The following ANKUB1 variants were observed in gnomAD, a reference collection of about 807,000 sequenced individuals.
The protein encoded by ANKUB1 is protein ANKUB1.
A neutral mutation model predicts 49.3 loss-of-function variants in ANKUB1; 42 were observed. The ratio of observed to expected loss-of-function variants is 0.85; its 90% CI spans 0.67 to 1.10. The LOEUF is 1.10. ANKUB1 is among the 50% of genes least tolerant of loss of function. The pLI, the probability that ANKUB1 is intolerant of heterozygous loss-of-function variation, is 0.00. For missense variants in ANKUB1, 613 were observed against 642.0 expected (o/e 0.95, Z 0.49); for synonymous variants, 222 against 231.0 (o/e 0.96, Z 0.35).
intron 3 of ANKUB1, among the ~76,000 whole-genome samples, chr3:149,774,517 C>T (rs943983635): frequency 6.6e-6 from 1 of 152,190 alleles, no homozygotes; most frequent in Non-Finnish European, 1.5e-5. Context: ...ATTGCCTATC[C>T]TCAGAGTCTC....
intron 3 of ANKUB1, among the ~76,000 whole-genome samples, chr3:149,771,712 A>G (rs1466868144): frequency 6.6e-6 from 1 of 152,034 alleles, no homozygotes; most frequent in Non-Finnish European, 1.5e-5. Flanking sequence ...ATAGCCTGAC[A>G]CTTGGTAGGT....
chr3:149,782,481 A>C (rs1373613602), intron 2 of ANKUB1, among the ~76,000 whole-genome samples: 1 of 152,188 alleles, frequency 6.6e-6, no homozygotes, highest in South Asian at 2.1e-4. Context: ...ATCTATAAAG[A>C]TAAGCATGTA....
intron 2 of ANKUB1, chr3:149,783,690 G>C (rs1285866918): frequency 6.6e-6 from 1 of 152,208 alleles, no homozygotes; most frequent in Non-Finnish European, 1.5e-5. Flanking sequence ...TAAGTAAGCA[G>C]AAGCTTGCTG....
chr3:149,790,350 T>A lies in ANKUB1; in HGVS notation c.234+431A>T, dbSNP rs189904566. Among the ~76,000 whole-genome samples the A allele has an allele frequency of 1.1e-4, 17 of 152,308 alleles. 1 individual carries two copies. In the East Asian group the frequency reaches 1.9e-3, roughly 17 times the overall value. ...AATTGGAATGGCTACTTTGGCTGGA[T>A]TTGGATGTAGAAAATTCCCTTTCAT... On this transcript the variant is annotated intron_variant, in intron 2 of 5. Transcript: ENST00000446160.
chr3:149,769,164 T>A (rs1717212360), intron 4 of ANKUB1, among the ~76,000 whole-genome samples: 1 of 152,184 alleles, frequency 6.6e-6, no homozygotes, highest in Admixed American at 6.5e-5. Flanking sequence ...TGTTGGCTTC[T>A]GCAAAACATG....
intron 3 of ANKUB1, chr3:149,779,176 A>ATT (rs112875843): frequency 5.1e-5 from 7 of 137,544 alleles, no homozygotes; most frequent in South Asian, 2.4e-4. Context: ...GGAAGTACAG[A>ATT]TTTTTTTTTT....
At chr3:149,762,115 G>GATGCAA (rs1182351714) in intron 5 of ANKUB1, among the ~76,000 whole-genome samples, 2 of 152,104 alleles carry the variant, frequency 1.3e-5, no homozygotes, top group Non-Finnish European at 2.9e-5. Context: ...CTCTTTGTAG[G>GATGCAA]ATGCAAATGT....
At chr3:149,766,660 T>C (rs1717029196) in intron 5 of ANKUB1, 4 of 542,960 alleles carry the variant, frequency 7.4e-6, no homozygotes, top group East Asian at 3.0e-5. Context: ...CAATCAGATA[T>C]AGTGGCATGT....
intron 2 of ANKUB1, among the ~76,000 whole-genome samples, chr3:149,790,578 G>T (rs915144622): frequency 6.6e-6 from 1 of 152,182 alleles, no homozygotes; most frequent in African/African-American, 2.4e-5. Context: ...AGAGTAAAGA[G>T]GGGGCAACTT....
At chr3:149,770,948 G>A (rs926974708) in intron 3 of ANKUB1, among the ~76,000 whole-genome samples, 2 of 152,182 alleles carry the variant, frequency 1.3e-5, no homozygotes, top group Admixed American at 6.5e-5. Context: ...AAACAGTCTT[G>A]TGGAGATTGA....
At chr3:149,791,003 A>T (rs972280245) in intron 1 of ANKUB1, 79 bp from the exon 2 acceptor site, 2 of 1,375,492 alleles carry the variant, frequency 1.5e-6, no homozygotes, top group East Asian at 5.2e-5. Flanking sequence ...TTCCCTTTAC[A>T]TTTTTTTCCT....
intron 3 of ANKUB1, among the ~76,000 whole-genome samples, chr3:149,778,042 G>T (rs1466384956): frequency 6.6e-6 from 1 of 152,244 alleles, no homozygotes; most frequent in Non-Finnish European, 1.5e-5. Flanking sequence ...TGGCTAGAAA[G>T]AGAGGTCCTG....
At position 149,767,428 on chromosome 3, in the gene ANKUB1, T is replaced by G; in HGVS notation, c.1234A>C (p.Asn412His). ...TGTAATTCAGAGAATGAACTTGCAT[T>G]CACCAGTGGATGAAATTTGAGGGCT... ...KQALKFHPLV[N>H]ASSFSELQKH... The change falls in exon 5 of 6, where the codon AAT becomes CAT. Residue 412 changes from asparagine to histidine, a missense_variant. Asn to His is a moderately conservative substitution (Grantham distance 68). Transcript: ENST00000446160. The G allele has an allele frequency of 6.4e-7, 1 of 1,551,762 alleles. No individual in the cohort carries two copies.
intron 2 of ANKUB1, among the ~76,000 whole-genome samples, chr3:149,789,754 T>C (rs1051550191): frequency 1.3e-5 from 2 of 151,500 alleles, no homozygotes; most frequent in Middle Eastern, 3.2e-3. Context: ...CTCAGCCTAA[T>C]GAGTAGCTGG....
intron 2 of ANKUB1, among the ~76,000 whole-genome samples, chr3:149,784,219 C>G (rs907935436): frequency 1.3e-5 from 2 of 152,078 alleles, no homozygotes; most frequent in African/African-American, 4.8e-5. Context: ...TGTTTTGACC[C>G]CAGCACTTGG....
intron 2 of ANKUB1, among the ~76,000 whole-genome samples, chr3:149,787,142 G>C (rs1718139103): frequency 6.6e-6 from 1 of 152,144 alleles, no homozygotes. Context: ...GGATGGCATT[G>C]AATCTATAAA....
At chr3:149,763,091 A>C (rs1361733882) in intron 5 of ANKUB1, among the ~76,000 whole-genome samples, 1 of 152,210 alleles carries the variant, frequency 6.6e-6, no homozygotes, top group Non-Finnish European at 1.5e-5. Context: ...TGTCTGCCTG[A>C]TTCAACTTCT....
chr3:149,787,056 G>A lies in ANKUB1; in HGVS notation c.234+3725C>T, dbSNP rs188910852. 7.6e-4 allele frequency among the ~76,000 whole-genome samples: 116 copies of A among 152,268 alleles called. 1 individual carries two copies. In the East Asian group the frequency reaches 0.02, roughly 26 times the overall value. ...GCTTAGGATCATCTTGGCAATGCGG[G>A]CTCTTTTTTGGTTCCATATGAACTT... On this transcript the variant is annotated intron_variant, in intron 2 of 5. Coordinates refer to ENST00000446160, the MANE Select transcript of ANKUB1 (RefSeq NM_001144960.3).
At chr3:149,777,503 A>AACAAC (rs1559867093) in intron 3 of ANKUB1, among the ~76,000 whole-genome samples, 44 of 130,050 alleles carry the variant, frequency 3.4e-4, no homozygotes, top group South Asian at 7.5e-4. Context: ...ACAACAACAA[A>AACAAC]AAAACACTCC....
Sources: allele counts gnomAD v4.1 joint callset (sites outside exome capture counted in the v4.1 genomes callset), GRCh38; gene constraint gnomAD v4.1.1; transcripts MANE v1.5; gene names NCBI Gene and HGNC (gene_info 2026-07-23, HGNC 2026-07-21).